LIMS1: variants seen among roughly 807,000 people sequenced by gnomAD.
The protein encoded by LIMS1 is LIM zinc finger domain containing 1, also known as LIM and senescent cell antigen-like-containing domain protein 1.
LIMS1 carries 18 observed loss-of-function variants against 44.1 expected under a neutral mutation model. The ratio of observed to expected loss-of-function variants is 0.41; its 90% CI spans 0.28 to 0.61. The LOEUF is 0.61. Among genes scored for constraint, LIMS1 ranks in the 20% least tolerant of loss-of-function variants. The probability of loss-of-function intolerance (pLI) is 0.32; values close to 1 mark genes in which losing one functional copy is unlikely to be tolerated. For synonymous variants in LIMS1, 93 were observed against 149.1 expected (o/e 0.62, Z 2.74); for missense variants, 201 against 422.0 (o/e 0.48, Z 4.59).
chr2:108,535,374 G>A (rs1417099818), intron 1 of LIMS1, among the ~76,000 whole-genome samples: 2 of 152,252 alleles, frequency 1.3e-5, no homozygotes, highest in African/African-American at 2.4e-5. Context: ...GGAATCTGAA[G>A]CTACTGTCAG....
chr2:108,619,476 G>A (rs945542851), intron 1 of LIMS1, among the ~76,000 whole-genome samples: 1 of 152,058 alleles, frequency 6.6e-6, no homozygotes, highest in Non-Finnish European at 1.5e-5. Context: ...TTGAGGCTTG[G>A]AGTTCGAGAC....
chr2:108,663,751 A>ATTTTTTT (rs1388152196), intron 2 of LIMS1, among the ~76,000 whole-genome samples: 1 of 148,758 alleles, frequency 6.7e-6, no homozygotes, highest in Admixed American at 6.7e-5. Flanking sequence ...TTAATTTTTT[A>ATTTTTTT]TTTTTATTTT....
chr2:108,650,403 C>A (rs1573554152), intron 1 of LIMS1, among the ~76,000 whole-genome samples: 1 of 148,354 alleles, frequency 6.7e-6, no homozygotes, highest in African/African-American at 2.5e-5. Flanking sequence ...CCTAAACTTT[C>A]TTTTCTTTTC....
intron 1 of LIMS1, among the ~76,000 whole-genome samples, chr2:108,574,044 C>T (rs942250993): frequency 3.3e-5 from 5 of 151,900 alleles, no homozygotes; most frequent in Admixed American, 2.0e-4. Context: ...CCCCCTCCCC[C>T]CCACCAAAAA....
At chr2:108,616,630 G>A (rs1573458251) in intron 1 of LIMS1, among the ~76,000 whole-genome samples, 1 of 152,196 alleles carries the variant, frequency 6.6e-6, no homozygotes, top group Non-Finnish European at 1.5e-5. Context: ...CTGCTTGTGA[G>A]TGGGACCATA....
At chr2:108,630,680 G>C (rs752620246) in intron 1 of LIMS1, among the ~76,000 whole-genome samples, 1 of 152,162 alleles carries the variant, frequency 6.6e-6, no homozygotes, top group Non-Finnish European at 1.5e-5. Flanking sequence ...ATCTATCCCA[G>C]TAGTCAGGAA....
chr2:108,674,496 G>A (rs1692375870), intron 5 of LIMS1, among the ~76,000 whole-genome samples: 1 of 151,770 alleles, frequency 6.6e-6, no homozygotes, highest in Admixed American at 6.6e-5. Flanking sequence ...GCCGAGGCGG[G>A]TGGATCACGA....
chr2:108,540,082 C>G (rs1024752345), intron 1 of LIMS1, among the ~76,000 whole-genome samples: 15 of 150,138 alleles, frequency 1.0e-4, no homozygotes, highest in African/African-American at 3.7e-4. Context: ...AAACTTATTC[C>G]AACTGGCTTG....
chr2:108,680,306 G>A (rs1692871345), intron 8 of LIMS1, among the ~76,000 whole-genome samples: 1 of 149,028 alleles, frequency 6.7e-6, no homozygotes, highest in Admixed American at 6.8e-5. Context: ...GGCGGAGGTT[G>A]CAGTGAGCCG....
At chr2:108,659,139 C>G (rs1334103083) in intron 1 of LIMS1, 60 of 980,970 alleles carry the variant, frequency 6.1e-5, no homozygotes, top group Admixed American at 1.8e-4. Flanking sequence ...AAGGGATAAC[C>G]CGTGTCTAGG....
At chr2:108,607,190 A>T in intron 1 of LIMS1, 1 of 1,550,610 alleles carries the variant, frequency 6.4e-7, no homozygotes, top group Non-Finnish European at 8.7e-7. Context: ...GCCATCTATG[A>T]GCATGGAGAG....
chr2:108,557,376 C>T (rs1416312055), intron 1 of LIMS1, among the ~76,000 whole-genome samples: 1 of 150,764 alleles, frequency 6.6e-6, no homozygotes, highest in African/African-American at 2.4e-5. Flanking sequence ...CACGCCCAGC[C>T]TTTTTTTCTT....
At chr2:108,637,113 G>A (rs1037388241) in intron 1 of LIMS1, among the ~76,000 whole-genome samples, 6 of 150,144 alleles carry the variant, frequency 4.0e-5, no homozygotes, top group African/African-American at 1.5e-4. Context: ...GTGTGTGTGT[G>A]TGTGTGTGTG....
At chr2:108,616,197 CTTT>C (rs1159229290) in intron 1 of LIMS1, among the ~76,000 whole-genome samples, 11 of 71,950 alleles carry the variant, frequency 1.5e-4, no homozygotes, top group Admixed American at 2.0e-4. Flanking sequence ...TTTGCATGGG[CTTT>C]TTTTTTTTTT....
At chr2:108,557,887 C>T (rs1239222769) in intron 1 of LIMS1, among the ~76,000 whole-genome samples, 1 of 152,168 alleles carries the variant, frequency 6.6e-6, no homozygotes, top group Non-Finnish European at 1.5e-5. Flanking sequence ...AGGTACCCAA[C>T]TTTGTGTGTG....
At chr2:108,643,694 T>G (rs1192989768) in intron 1 of LIMS1, among the ~76,000 whole-genome samples, 1 of 150,810 alleles carries the variant, frequency 6.6e-6, no homozygotes, top group Non-Finnish European at 1.5e-5. Context: ...AAAGGAGGGC[T>G]GAAGCCAGGG....
intron 1 of LIMS1, among the ~76,000 whole-genome samples, chr2:108,615,237 T>A (rs1474923320): frequency 6.6e-6 from 1 of 152,162 alleles, no homozygotes; most frequent in Non-Finnish European, 1.5e-5. Flanking sequence ...CCACTAGAAT[T>A]CCTTTTAAAA....
chr2:108,602,751 C>T (rs903213345), intron 1 of LIMS1, among the ~76,000 whole-genome samples: 2 of 151,930 alleles, frequency 1.3e-5, no homozygotes, highest in Non-Finnish European at 2.9e-5. Context: ...GAGATATTGA[C>T]CTGTAGTTTT....
rs1053769 is a variant in LIMS1 at position 108,662,267 on chromosome 2, A to G, written c.192+2503A>G. The stretch of plus-strand genomic sequence containing the variant: ...GGTTAAGCTACCTTCATTAAGCAGC[A>G]TGACCGCTTCCTGAGCTCCTGCTGC... On this transcript the variant is annotated intron_variant, in intron 2 of 9. Transcript: ENST00000544547. 9 of 1,611,848 alleles carry G rather than the reference A, an allele frequency of 5.6e-6. No homozygotes were observed. In the Admixed American group the frequency reaches 6.7e-5, roughly 12 times the overall value.
Sources: allele counts gnomAD v4.1 joint callset (sites outside exome capture counted in the v4.1 genomes callset), GRCh38; gene constraint gnomAD v4.1.1; transcripts MANE v1.5; gene names NCBI Gene and HGNC (gene_info 2026-07-23, HGNC 2026-07-21).